PCDH15: variants seen among roughly 807,000 people sequenced by gnomAD.
PCDH15 encodes protocadherin related 15, also known as protocadherin-15.
In PCDH15, 129 loss-of-function variants were observed where a neutral mutation model predicts 178.5. The ratio of observed to expected loss-of-function variants is 0.72; its 90% confidence interval spans 0.63 to 0.84. The LOEUF (loss-of-function observed/expected upper bound fraction) is 0.84, where lower values mean the gene tolerates loss of function less well. Among genes scored for constraint, PCDH15 ranks in the 40% least tolerant of loss-of-function variants. PCDH15 has a pLI of 0.00. For missense variants in PCDH15, 2,230 were observed against 2,099.9 expected (o/e 1.06, Z -1.21); for synonymous variants, 800 against 732.0 (o/e 1.09, Z -1.50).
intron 5 of PCDH15, among the ~76,000 whole-genome samples, chr10:54,358,832 TA>T (rs1945496702): frequency 6.6e-6 from 1 of 151,692 alleles, no homozygotes; most frequent in African/African-American, 2.4e-5. Context: ...TATGCAGCCA[TA>T]AAAAATGATG....
At chr10:54,878,213 T>G (rs1447172447) in intron 3 of PCDH15, among the ~76,000 whole-genome samples, 1 of 152,054 alleles carries the variant, frequency 6.6e-6, no homozygotes, top group Non-Finnish European at 1.5e-5. Flanking sequence ...TCCACCTGCC[T>G]CGCCCTCCCA....
At chr10:54,721,902 C>G (rs764184737) in intron 1 of PCDH15, among the ~76,000 whole-genome samples, 1 of 151,596 alleles carries the variant, frequency 6.6e-6, no homozygotes, top group Non-Finnish European at 1.5e-5. Flanking sequence ...CAAAATCGAG[C>G]GAGGCGACAA....
At chr10:55,153,726 T>G (rs10825474) in intron 2 of PCDH15, among the ~76,000 whole-genome samples, 8,930 of 152,200 alleles carry the variant, frequency 0.059, 645 homozygotes, top group East Asian at 0.21. Context: ...CAGTTTCATG[T>G]AGTGAAAAGA....
chr10:54,336,508 A>T (rs1941178740), intron 6 of PCDH15, among the ~76,000 whole-genome samples: 1 of 152,122 alleles, frequency 6.6e-6, no homozygotes. Flanking sequence ...CCATGGCTAT[A>T]AGGAGTGAAG....
At chr10:54,326,588 A>G (rs1485577252) in intron 7 of PCDH15, among the ~76,000 whole-genome samples, 2 of 152,120 alleles carry the variant, frequency 1.3e-5, no homozygotes, top group African/African-American at 4.8e-5. Flanking sequence ...TTTTATTAAT[A>G]TACCCATTTT....
At chr10:54,536,109 G>A (rs912897526) in intron 2 of PCDH15, among the ~76,000 whole-genome samples, 1 of 152,144 alleles carries the variant, frequency 6.6e-6, no homozygotes, top group East Asian at 1.9e-4. Context: ...CATCAAAAGA[G>A]GCCATATAAT....
chr10:54,462,821 C>T (rs1372329020), intron 3 of PCDH15, among the ~76,000 whole-genome samples: 3 of 150,340 alleles, frequency 2.0e-5, no homozygotes, highest in South Asian at 4.2e-4. Flanking sequence ...TGAGCCACCT[C>T]GCCTGGACTA....
chr10:54,667,874 A>T (rs1048940956), intron 1 of PCDH15, among the ~76,000 whole-genome samples: 2 of 152,106 alleles, frequency 1.3e-5, no homozygotes, highest in African/African-American at 4.8e-5. Context: ...TCATTTTGCA[A>T]TCGTGACTTA....
chr10:55,210,332 C>G (rs759054494), intron 1 of PCDH15, among the ~76,000 whole-genome samples: 27 of 151,734 alleles, frequency 1.8e-4, no homozygotes, highest in Non-Finnish European at 3.1e-4. Flanking sequence ...GTTTTTAACC[C>G]CAGAAAATAG....
At chr10:55,210,490 A>T (rs888349305) in intron 1 of PCDH15, among the ~76,000 whole-genome samples, 5 of 151,930 alleles carry the variant, frequency 3.3e-5, no homozygotes, top group African/African-American at 1.2e-4. Flanking sequence ...GACATCTGGT[A>T]GAAACGACCA....
At chr10:54,335,521 A>G (rs560427524) in intron 6 of PCDH15, among the ~76,000 whole-genome samples, 62 of 152,254 alleles carry the variant, frequency 4.1e-4, no homozygotes, top group African/African-American at 1.4e-3. Context: ...TAATTGAATC[A>G]TGGCATTTCC....
chr10:54,172,103 T>TG (rs1282914639), intron 13 of PCDH15, among the ~76,000 whole-genome samples: 1 of 152,174 alleles, frequency 6.6e-6, no homozygotes, highest in Non-Finnish European at 1.5e-5. Flanking sequence ...CCCTGTGACT[T>TG]GCACTTATAC....
At chr10:53,899,730 G>A (rs1338896894) in intron 26 of PCDH15, among the ~76,000 whole-genome samples, 1 of 151,988 alleles carries the variant, frequency 6.6e-6, no homozygotes, top group Non-Finnish European at 1.5e-5. Context: ...AGCTGAACTG[G>A]TCCTGATTCA....
intron 32 of PCDH15, chr10:53,821,110 A>C (rs1208136179): frequency 1.1e-5 from 11 of 979,996 alleles, no homozygotes; most frequent in African/African-American, 5.3e-5. Context: ...CAACGACTCA[A>C]GATTTATTTT....
chr10:55,128,801 T>C (rs753845007), intron 2 of PCDH15, among the ~76,000 whole-genome samples: 2 of 152,112 alleles, frequency 1.3e-5, no homozygotes, highest in Non-Finnish European at 2.9e-5. Flanking sequence ...CAGTCATCAA[T>C]AGAGATCTGA....
chr10:54,841,858 ACT>A (rs1953424568), intron 3 of PCDH15, among the ~76,000 whole-genome samples: 1 of 151,728 alleles, frequency 6.6e-6, no homozygotes, highest in South Asian at 2.1e-4. Context: ...GATCTGTAGC[ACT>A]CTCTTATTCT....
chr10:55,426,998 A>ATT (rs201985546), intron 2 of PCDH15, among the ~76,000 whole-genome samples: 52 of 149,062 alleles, frequency 3.5e-4, no homozygotes, highest in Non-Finnish European at 4.3e-4. Flanking sequence ...CAGGCCATGG[A>ATT]TTTTTTTTTT....
intron 21 of PCDH15, among the ~76,000 whole-genome samples, chr10:53,982,251 A>C (rs1006220976): frequency 6.6e-6 from 1 of 152,198 alleles, no homozygotes; most frequent in African/African-American, 2.4e-5. Context: ...CCACTGTGGA[A>C]GTCAGTGTGG....
intron 2 of PCDH15, chr10:55,166,460 C>T (rs1839200810): frequency 6.6e-6 from 1 of 152,100 alleles, no homozygotes; most frequent in African/African-American, 2.4e-5. Context: ...TGAGCAATGC[C>T]TGGAAATTTA....
Sources: gnomAD v4.1 joint callset for allele counts (sites outside exome capture counted in the v4.1 genomes callset) on GRCh38, gnomAD v4.1.1 for gene constraint, MANE v1.5 for transcripts, NCBI Gene and HGNC (gene_info 2026-07-23, HGNC 2026-07-21) for gene names.